The following GNA14 variants were observed in gnomAD, a reference collection of about 807,000 sequenced individuals.
GNA14 encodes G protein subunit alpha 14.
In GNA14, 50 loss-of-function variants were observed where a neutral mutation model predicts 42.0. The ratio of observed to expected loss-of-function variants is 1.19; its 90% CI spans 0.95 to 1.51. The LOEUF (loss-of-function observed/expected upper bound fraction) is 1.51, where lower values mean the gene tolerates loss of function less well. GNA14 is among the 40% of genes most tolerant of loss of function. The pLI is 0.00. For synonymous variants in GNA14, 173 were observed against 163.1 expected (o/e 1.06, Z -0.46); for missense variants, 473 against 446.2 (o/e 1.06, Z -0.54).
intron 2 of GNA14, among the ~76,000 whole-genome samples, chr9:77,513,956 T>C (rs1479121207): frequency 1.2e-5 from 1 of 80,730 alleles, no homozygotes. Context: ...CCTTCAGCAC[T>C]TTTTTTTTTT....
At chr9:77,425,793 C>G (rs184591081) in intron 5 of GNA14, 78 bp from the exon 6 acceptor site, 2 of 1,042,010 alleles carry the variant, frequency 1.9e-6, no homozygotes, top group Non-Finnish European at 2.8e-6. Context: ...GCCAGTCCAT[C>G]CATCTCTTCC....
intron 2 of GNA14, among the ~76,000 whole-genome samples, chr9:77,446,583 C>T (rs1835821158): frequency 6.6e-6 from 1 of 152,254 alleles, no homozygotes; most frequent in Non-Finnish European, 1.5e-5. Flanking sequence ...CATGCAATCC[C>T]CCTCCATCTT....
Position 77,529,169 on chromosome 9 carries a change from C to T in GNA14, c.209G>A (p.Gly70Glu), listed in dbSNP as rs2131768202. 1.2e-6 allele frequency: 2 copies of T among 1,613,882 alleles called. No homozygotes were observed. The highest frequency in any genetic ancestry group is 2.2e-5 in the East Asian group (1 of 44,884). The change falls in exon 2 of 7, where the codon GGG (glycine) becomes GAG (glutamate). Residue 70 changes from glycine to glutamate, a missense_variant. By Grantham distance (98) the Gly-to-Glu change is moderately conservative. Coordinates refer to ENST00000341700, the MANE Select transcript of GNA14 (RefSeq NM_004297.4). ...GTTTTGGTAAACCAGCTTCGTGAAC[C>T]CCTTTCTGTCTTCGTCGCTGTAACC... is the stretch of plus-strand genomic sequence containing the variant. ...GSGYSDEDRK[G>E]FTKLVYQNIF...
At chr9:77,603,306 C>T (rs1823596161) in intron 1 of GNA14, among the ~76,000 whole-genome samples, 1 of 152,086 alleles carries the variant, frequency 6.6e-6, no homozygotes, top group African/African-American at 2.4e-5. Flanking sequence ...TGCAAACCCC[C>T]CAACCACACA....
chr9:77,614,943 T>C (rs187905201), intron 1 of GNA14, among the ~76,000 whole-genome samples: 5 of 152,274 alleles, frequency 3.3e-5, no homozygotes, highest in East Asian at 1.9e-4. Flanking sequence ...CCAAACATAT[T>C]TAAGGCAGTA....
At chr9:77,455,276 T>C (rs927605097) in intron 2 of GNA14, among the ~76,000 whole-genome samples, 14 of 152,240 alleles carry the variant, frequency 9.2e-5, no homozygotes, top group Admixed American at 2.6e-4. Context: ...CATGGCAGTA[T>C]CCTTCTTCAA....
At chr9:77,617,858 A>G (rs1405324880) in intron 1 of GNA14, among the ~76,000 whole-genome samples, 2 of 151,876 alleles carry the variant, frequency 1.3e-5, no homozygotes, top group Admixed American at 6.6e-5. Context: ...AGTTTATACC[A>G]TCTCTTAATC....
In GNA14 at chr9:77,600,459, A is replaced by T. The variant is rs571782412; in HGVS notation, c.124+47211T>A. On this transcript the variant is annotated intron_variant, in intron 1 of 6. Transcript: ENST00000341700. The stretch of plus-strand genomic sequence containing the variant: ...TATGAATGAGTATTCTCCTTGGCAC[A>T]GGTGGGAAACTTGTAGTCTCCAGTC... Among the ~76,000 whole-genome samples, 4 of 152,326 alleles carry T rather than the reference A, an allele frequency of 2.6e-5. No homozygotes were observed. The South Asian group carries it at 8.3e-4, about 32-fold the overall frequency.
At chr9:77,605,805 C>T (rs970897383) in intron 1 of GNA14, among the ~76,000 whole-genome samples, 4 of 152,148 alleles carry the variant, frequency 2.6e-5, no homozygotes, top group African/African-American at 7.2e-5. Context: ...CAAGTTTCGC[C>T]CCTTAGTCTC....
chr9:77,640,603 C>G (rs1189413931), intron 1 of GNA14, among the ~76,000 whole-genome samples: 4 of 152,134 alleles, frequency 2.6e-5, no homozygotes, highest in African/African-American at 9.7e-5. Context: ...CAGCTTAAGA[C>G]TTATTAAAGC....
chr9:77,561,395 T>C (rs1323831852), intron 1 of GNA14, among the ~76,000 whole-genome samples: 1 of 152,072 alleles, frequency 6.6e-6, no homozygotes, highest in Non-Finnish European at 1.5e-5. Flanking sequence ...AGAGTGAGAA[T>C]CAGAAAAGCC....
At chr9:77,509,489 A>C in intron 2 of GNA14, among the ~76,000 whole-genome samples, 1 of 152,198 alleles carries the variant, frequency 6.6e-6, no homozygotes, top group East Asian at 1.9e-4. Flanking sequence ...GCTATGTTTA[A>C]TTTTTTGAGA....
At chr9:77,598,800 T>C (rs540069177) in intron 1 of GNA14, among the ~76,000 whole-genome samples, 5 of 152,236 alleles carry the variant, frequency 3.3e-5, no homozygotes, top group African/African-American at 1.2e-4. Context: ...TACACTCCAA[T>C]CAGCTGCTTT....
At chr9:77,637,289 A>G (rs1440951977) in intron 1 of GNA14, among the ~76,000 whole-genome samples, 1 of 152,186 alleles carries the variant, frequency 6.6e-6, no homozygotes, top group Admixed American at 6.5e-5. Flanking sequence ...CACAATTCCA[A>G]GAATATCACT....
chr9:77,507,998 G>A (rs1214832623), intron 2 of GNA14, among the ~76,000 whole-genome samples: 9 of 152,218 alleles, frequency 5.9e-5, no homozygotes, highest in Admixed American at 2.6e-4. Flanking sequence ...GATTACAGGC[G>A]TGAGCCACTG....
At chr9:77,425,780 A>G in intron 5 of GNA14, 65 bp from the exon 6 acceptor site, 1 of 1,147,104 alleles carries the variant, frequency 8.7e-7, no homozygotes. Flanking sequence ...AACATGGCGC[A>G]TTGCCAGTCC....
In GNA14 at chr9:77,429,027, A is replaced by G; in HGVS notation, c.603T>C (p.Asp201=). ...GTCTTTCCGATCGTTGGCCACCAAC[A>G]TCCACCATCCTGTTGTGTAGAAACA... is the stretch of plus-strand genomic sequence containing the variant. ...DLENIIFRMV[D]VGGQRSERRK... Residue 201 remains aspartate, a synonymous_variant, in exon 5 of 7, where the codon GAT becomes GAC. Transcript: ENST00000341700. 6.2e-7 allele frequency: 1 copy of G among 1,614,130 alleles called. No homozygotes were observed. Among genetic ancestry groups the G allele is most frequent in the South Asian group, 1.1e-5 (1 of 91,066 alleles).
chr9:77,479,662 C>T (rs565132554), intron 2 of GNA14, among the ~76,000 whole-genome samples: 25 of 151,970 alleles, frequency 1.6e-4, no homozygotes, highest in Non-Finnish European at 3.4e-4. Context: ...TTTCACGACA[C>T]TGATTCTTCC....
intron 2 of GNA14, among the ~76,000 whole-genome samples, chr9:77,517,157 C>T (rs667490): frequency 6.6e-6 from 1 of 152,232 alleles, no homozygotes; most frequent in East Asian, 1.9e-4. Context: ...CATGGGAATT[C>T]TTCCTCATCT....
Sources: allele counts gnomAD v4.1 joint callset (sites outside exome capture counted in the v4.1 genomes callset), GRCh38; gene constraint gnomAD v4.1.1; transcripts MANE v1.5; gene names NCBI Gene and HGNC (gene_info 2026-07-23, HGNC 2026-07-21).